The following TAF15 variants were observed in gnomAD, a reference collection of about 807,000 sequenced individuals.
TAF15 encodes the protein TATA-box binding protein associated factor 15.
A neutral mutation model predicts 102.5 loss-of-function variants in TAF15; 37 were observed. The ratio of observed to expected loss-of-function variants is 0.36; its 90% confidence interval spans 0.28 to 0.47. The LOEUF (loss-of-function observed/expected upper bound fraction) is 0.47. Among genes scored for constraint, TAF15 ranks in the 20% least tolerant of loss-of-function variants. TAF15 has a pLI of 0.99. For synonymous variants in TAF15, 273 were observed against 259.2 expected, an observed-to-expected ratio of 1.05 and a Z score of -0.51; for missense variants, 652 against 760.7, an observed-to-expected ratio of 0.86 and a Z score of 1.68.
intron 15 of TAF15, among the ~76,000 whole-genome samples, chr17:35,845,245 G>C (rs2087610017): frequency 6.6e-6 from 1 of 151,776 alleles, no homozygotes; most frequent in Admixed American, 6.6e-5. Context: ...TTATTTTTTA[G>C]AGACAATAAA....
chr17:35,833,706 A>T, intron 7 of TAF15: 1 of 588,782 alleles, frequency 1.7e-6, no homozygotes, highest in Admixed American at 2.9e-5. Context: ...TTGAAAAGAC[A>T]TCTTGTGGAA....
intron 7 of TAF15, among the ~76,000 whole-genome samples, chr17:35,828,606 C>T (rs1432773861): frequency 6.6e-6 from 1 of 151,970 alleles, no homozygotes; most frequent in Non-Finnish European, 1.5e-5. Flanking sequence ...TGGCACACGC[C>T]TGTAGTCCCA....
chr17:35,835,566 A>G (rs1428059576), intron 9 of TAF15, among the ~76,000 whole-genome samples: 3 of 152,236 alleles, frequency 2.0e-5, no homozygotes, highest in Non-Finnish European at 4.4e-5. Context: ...TCATGGACTG[A>G]ATTCTTATAC....
chr17:35,844,224 G>C, intron 13 of TAF15, 56 bp from the exon 14 acceptor site: 1 of 1,609,852 alleles, frequency 6.2e-7, no homozygotes, highest in Non-Finnish European at 8.5e-7. Context: ...ATACAGAAAG[G>C]GGTTCTGAGT....
chr17:35,846,772 A>G, intron 15 of TAF15, 134 bp from the exon 16 acceptor site: 1 of 900,522 alleles, frequency 1.1e-6, no homozygotes, highest in African/African-American at 1.6e-5. Context: ...GGAGTACAGA[A>G]ATAAATGAGG....
Position 35,822,676 on chromosome 17 carries a change from C to T in TAF15, c.327C>T (p.Asp109=). The change falls in exon 6 of 16, where the codon GAC becomes GAT. Residue 109 remains aspartate (D), a synonymous_variant. Transcript: ENST00000605844. ...GAGCACCTTCCTATGACCAGCCAGA[C>T]TATGGTCAACAAGATTCATATGACC... ...GGRAPSYDQP[D]YGQQDSYDQQ... is the part of the protein sequence containing the mutation. The T allele has an allele frequency of 5.6e-6, 9 of 1,614,116 alleles. No homozygotes were observed. Among genetic ancestry groups the T allele is most frequent in the Non-Finnish European group, 7.6e-6 (9 of 1,180,010 alleles).
chr17:35,842,548 C>T, intron 12 of TAF15, 89 bp downstream of exon 12: 1 of 1,027,080 alleles, frequency 9.7e-7, no homozygotes, highest in East Asian at 2.5e-5. Flanking sequence ...GAACTTGCTA[C>T]TGCTTTTTCT....
At chr17:35,834,456 A>G (rs2087445905) in intron 8 of TAF15, 110 bp from the exon 9 acceptor site, 5 of 937,194 alleles carry the variant, frequency 5.3e-6, no homozygotes, top group Non-Finnish European at 8.4e-6. Flanking sequence ...TTGACTTTCA[A>G]GGATTTTGGA....
intron 15 of TAF15, among the ~76,000 whole-genome samples, chr17:35,846,639 ATCT>A (rs1388669421): frequency 6.6e-6 from 1 of 152,088 alleles, no homozygotes; most frequent in Non-Finnish European, 1.5e-5. Context: ...ACAGTTTCTG[ATCT>A]TCTGAAATAT....
intron 15 of TAF15, 52 bp from the exon 16 acceptor site, chr17:35,846,854 C>T: frequency 8.1e-6 from 13 of 1,599,430 alleles, no homozygotes; most frequent in East Asian, 2.2e-5. Context: ...TCTAATGCTC[C>T]CCCTTCGTAG....
intron 7 of TAF15, among the ~76,000 whole-genome samples, chr17:35,825,767 T>G (rs538794205): frequency 6.6e-6 from 1 of 151,914 alleles, no homozygotes; most frequent in Non-Finnish European, 1.5e-5. Flanking sequence ...GCCAACACAG[T>G]GAAACCCCGT....
At chr17:35,820,540 T>C (rs2087246484) in intron 5 of TAF15, 103 bp downstream of exon 5, 1 of 1,097,454 alleles carries the variant, frequency 9.1e-7, no homozygotes, top group Admixed American at 2.4e-5. Flanking sequence ...TTTTTTTTTT[T>C]TTAAAGGAAA....
intron 1 of TAF15, among the ~76,000 whole-genome samples, chr17:35,812,911 T>C (rs56347933): frequency 0.021 from 3,246 of 152,114 alleles, 67 homozygotes; most frequent in East Asian, 0.11. Flanking sequence ...GTGGATCACC[T>C]GAGGTCAGAA....
At chr17:35,818,135 G>A (rs995907432) in intron 2 of TAF15, among the ~76,000 whole-genome samples, 3 of 151,062 alleles carry the variant, frequency 2.0e-5, no homozygotes, top group African/African-American at 4.9e-5. Flanking sequence ...TCGCTCTTTC[G>A]CCCAGGCTGG....
chr17:35,838,914 A>G (rs1188973908), intron 11 of TAF15, among the ~76,000 whole-genome samples: 4 of 152,116 alleles, frequency 2.6e-5, no homozygotes, highest in East Asian at 1.9e-4. Context: ...TCCTGTATCT[A>G]TCACTTGAAT....
At position 35,838,470 on chromosome 17, in the gene TAF15, A is replaced by C. The variant is rs770392612; in HGVS notation, c.830A>C (p.Lys277Thr). Residue 277 changes from lysine (K) to threonine (T), a missense_variant, in exon 11 of 16, where the codon AAG becomes ACG. By Grantham distance (78) the Lys-to-Thr change is moderately conservative. Around this residue, in one of 3 missense-constraint regions of TAF15, gnomAD observed 41 missense variants for 109.1 expected, o/e 0.38. Transcript: ENST00000605844. ...GKPMINLYTD[K>T]DTGKPKGEAT... ...CCAATGATAAATCTTTATACAGACA[A>C]GGACACAGGAAAGCCAAAGGGGGAG... 1 of 1,614,248 alleles carries C rather than the reference A, an allele frequency of 6.2e-7. No homozygotes were observed. The highest frequency in any genetic ancestry group is 8.5e-7 in the Non-Finnish European group (1 of 1,180,046).
chr17:35,840,693 A>G (rs777952444), intron 11 of TAF15, among the ~76,000 whole-genome samples: 1 of 151,774 alleles, frequency 6.6e-6, no homozygotes, highest in Non-Finnish European at 1.5e-5. Flanking sequence ...GTGAAATCCC[A>G]TCTCTACTAA....
In TAF15 at chr17:35,836,840, C is replaced by T. The variant is rs566201723; in HGVS notation, c.783+599C>T. On this transcript the variant is annotated intron_variant, in intron 10 of 15. Coordinates refer to ENST00000605844, the MANE Select transcript of TAF15 (RefSeq NM_139215.3). ...TTCACCAGGCTGGAGTGCAGTGGCG[C>T]GATGTCGGCTCACTGCAGCCTCTGC... Among the ~76,000 whole-genome samples the T allele has an allele frequency of 4.0e-5, 6 of 150,636 alleles. No individual in the cohort carries two copies. In the South Asian group the frequency reaches 8.4e-4, roughly 21 times the overall value.
chr17:35,842,304 A>C (rs1458145629), intron 11 of TAF15, 63 bp from the exon 12 acceptor site: 1 of 1,283,658 alleles, frequency 7.8e-7, no homozygotes, highest in Non-Finnish European at 1.1e-6. Flanking sequence ...AGACTTTTTC[A>C]TTTTTGTTGA....
Sources: allele counts gnomAD v4.1 joint callset (sites outside exome capture counted in the v4.1 genomes callset), GRCh38; gene constraint gnomAD v4.1.1; regional missense constraint gnomAD v4.1.1; transcripts MANE v1.5; gene names NCBI Gene and HGNC (gene_info 2026-07-23, HGNC 2026-07-21).